The following ARHGEF28 variants were observed in gnomAD, a reference collection of about 807,000 sequenced individuals.
ARHGEF28 encodes Rho guanine nucleotide exchange factor 28, also known as 190 kDa guanine nucleotide exchange factor.
ARHGEF28 carries 152 observed loss-of-function variants against 206.6 expected under a neutral mutation model. The ratio of observed to expected loss-of-function variants is 0.74; its 90% CI spans 0.64 to 0.84. The LOEUF (loss-of-function observed/expected upper bound fraction) is 0.84. Ranked by LOEUF, ARHGEF28 falls within the 40% of genes least tolerant of loss-of-function variation. The pLI is 0.00. For synonymous variants in ARHGEF28, 763 were observed against 776.4 expected, an observed-to-expected ratio of 0.98 and a Z score of 0.29; for missense variants, 2,028 against 2,073.2, an observed-to-expected ratio of 0.98 and a Z score of 0.42.
chr5:73,742,122 G>C (rs1164022526), intron 2 of ARHGEF28, among the ~76,000 whole-genome samples: 1 of 151,888 alleles, frequency 6.6e-6, no homozygotes, highest in Non-Finnish European at 1.5e-5. Context: ...ATATTATTTT[G>C]TTTGTGCTAG....
At chr5:73,866,035 A>G (rs1759683593) in intron 18 of ARHGEF28, 22 bp downstream of exon 18, 2 of 1,568,342 alleles carry the variant, frequency 1.3e-6, no homozygotes, top group South Asian at 1.2e-5. Context: ...AGAAAACGAC[A>G]AGAACTTTTA....
At position 73,773,119 on chromosome 5, in the gene ARHGEF28, C is replaced by T. The variant is rs117874144; in HGVS notation, c.476-736C>T. On this transcript the variant is annotated intron_variant, in intron 4 of 35. Coordinates refer to ENST00000513042, the MANE Select transcript of ARHGEF28 (RefSeq NM_001177693.2). The stretch of plus-strand genomic sequence containing the variant: ...CTAAATGGCTTTCATTTGCCAGATA[C>T]TGTGCTAGGTATTAGGAATAAAATA... Among the ~76,000 whole-genome samples the T allele has an allele frequency of 1.3e-4, 20 of 152,312 alleles. No homozygotes were observed. The East Asian group carries it at 3.7e-3, about 28-fold the overall frequency.
intron 2 of ARHGEF28, among the ~76,000 whole-genome samples, chr5:73,728,734 G>T (rs545471211): frequency 1.6e-4 from 25 of 152,154 alleles, no homozygotes; most frequent in Non-Finnish European, 3.4e-4. Context: ...GCTGCCAAAC[G>T]ACTCCAGGTT....
chr5:73,776,046 G>A (rs1211856571), intron 5 of ARHGEF28, among the ~76,000 whole-genome samples: 1 of 152,178 alleles, frequency 6.6e-6, no homozygotes, highest in Non-Finnish European at 1.5e-5. Context: ...GTGGTACCAT[G>A]TGTTATGAAT....
At chr5:73,933,874 A>T (rs1384473981) in intron 35 of ARHGEF28, among the ~76,000 whole-genome samples, 2 of 152,110 alleles carry the variant, frequency 1.3e-5, no homozygotes, top group Non-Finnish European at 2.9e-5. Context: ...TTGTTACTTA[A>T]AATCATGCTG....
chr5:73,878,326 G>A (rs994052750), intron 22 of ARHGEF28, among the ~76,000 whole-genome samples: 4 of 151,118 alleles, frequency 2.6e-5, no homozygotes, highest in East Asian at 1.9e-4. Context: ...GTCTCTGCAC[G>A]TGAGATGGGT....
intron 1 of ARHGEF28, among the ~76,000 whole-genome samples, chr5:73,638,369 A>G (rs932036412): frequency 6.6e-6 from 1 of 152,240 alleles, no homozygotes; most frequent in African/African-American, 2.4e-5. Flanking sequence ...ATAACTGTAG[A>G]TACTTGAGAA....
At chr5:73,718,379 G>C (rs1159610465) in intron 2 of ARHGEF28, among the ~76,000 whole-genome samples, 2 of 152,064 alleles carry the variant, frequency 1.3e-5, no homozygotes, top group Non-Finnish European at 2.9e-5. Flanking sequence ...ATTTGTTTAG[G>C]TCTTGCATGC....
In ARHGEF28 at chr5:73,931,450, T is replaced by C. The variant is rs181659946; in HGVS notation, c.4949-9394T>C. 1.3e-3 allele frequency among the ~76,000 whole-genome samples: 205 copies of C among 152,308 alleles called. 1 individual carries two copies. The highest frequency in any genetic ancestry group is 4.6e-3 in the African/African-American group (191 of 41,580). ...TAATTGCTTCTCTTCAGTTTTTTCT[T>C]ACTGTAACTGTTGCTGGTTGGAAAT... On this transcript the variant is annotated intron_variant, in intron 35 of 35. Coordinates refer to ENST00000513042, the MANE Select transcript of ARHGEF28 (RefSeq NM_001177693.2).
chr5:73,842,624 A>G (rs1032455623), intron 11 of ARHGEF28, among the ~76,000 whole-genome samples: 5 of 152,266 alleles, frequency 3.3e-5, no homozygotes, highest in East Asian at 3.9e-4. Context: ...ACAAGATTCT[A>G]TACAGTTTTG....
chr5:73,702,500 A>G (rs1011864087), intron 2 of ARHGEF28, among the ~76,000 whole-genome samples: 4 of 152,198 alleles, frequency 2.6e-5, no homozygotes, highest in Admixed American at 2.0e-4. Flanking sequence ...TACTCTAGGA[A>G]CATTAATGTA....
intron 34 of ARHGEF28, among the ~76,000 whole-genome samples, chr5:73,911,039 A>G (rs907705438): frequency 3.3e-5 from 5 of 152,200 alleles, no homozygotes; most frequent in South Asian, 2.1e-4. Flanking sequence ...CTTTAATGTC[A>G]TAGAGTGCCA....
chr5:73,914,535 T>C (rs1316009840), intron 35 of ARHGEF28, among the ~76,000 whole-genome samples: 2 of 151,276 alleles, frequency 1.3e-5, no homozygotes, highest in African/African-American at 2.4e-5. Context: ...TAGCTGGGAT[T>C]ACAGGTGCCC....
At chr5:73,845,917 G>C (rs1429850969) in intron 11 of ARHGEF28, among the ~76,000 whole-genome samples, 1 of 143,414 alleles carries the variant, frequency 7.0e-6, no homozygotes, top group Non-Finnish European at 1.5e-5. Context: ...GAGCCTGGGA[G>C]ACAGAGGTTG....
chr5:73,837,407 T>C (rs1166845892), intron 10 of ARHGEF28, among the ~76,000 whole-genome samples: 2 of 152,158 alleles, frequency 1.3e-5, no homozygotes, highest in African/African-American at 2.4e-5. Flanking sequence ...TCAGTGCATA[T>C]ATTTTTGTCA....
Position 73,735,221 on chromosome 5 carries a change from AT to A in ARHGEF28, c.34-14611del, listed in dbSNP as rs199697986. On this transcript the variant is annotated intron_variant, in intron 2 of 35. Coordinates refer to ENST00000513042, the MANE Select transcript of ARHGEF28 (RefSeq NM_001177693.2). The stretch of plus-strand genomic sequence containing the variant: ...AATTAATAAATTAATACATTTATTA[AT>A]TTTTATTAATTAAATTAAAATTAAT... Among the ~76,000 whole-genome samples the A allele has an allele frequency of 6.3e-3, 943 of 149,502 alleles. 9 individuals carry two copies. Among genetic ancestry groups the A allele is most frequent in the African/African-American group, 0.021 (850 of 39,772 alleles).
At chr5:73,675,509 G>C (rs532904866) in intron 1 of ARHGEF28, among the ~76,000 whole-genome samples, 6 of 152,210 alleles carry the variant, frequency 3.9e-5, no homozygotes, top group Non-Finnish European at 7.4e-5. Context: ...CAGGCAGGCG[G>C]ATCACAAGGT....
chr5:73,898,061 G>A lies in ARHGEF28; in HGVS notation c.3941G>A (p.Ser1314Asn). Reference sequence around the variant, plus strand: ...GACTCTGTCTTGGCGGACACACTCAGTTCTCATGATGTACCAGGATCACCG... The same window carrying A: ...GACTCTGTCTTGGCGGACACACTCAATTCTCATGATGTACCAGGATCACCG... Reference protein sequence around the residue: ...CGDSVLADTLSSHDVPGSPTA... With the variant: ...CGDSVLADTLNSHDVPGSPTA... Residue 1314 changes from serine to asparagine, a missense_variant, in exon 30 of 36, where the codon AGT (serine) becomes AAT (asparagine). Transcript: ENST00000513042. 1.2e-6 allele frequency: 2 copies of A among 1,612,238 alleles called. No individual in the cohort carries two copies. The highest frequency in any genetic ancestry group is 1.7e-6 in the Non-Finnish European group (2 of 1,179,230).
chr5:73,874,699 G>A (rs1760343409), intron 22 of ARHGEF28, among the ~76,000 whole-genome samples: 1 of 151,050 alleles, frequency 6.6e-6, no homozygotes. Flanking sequence ...ATAGTTTGCT[G>A]AGAATGATGA....
Sources: allele counts gnomAD v4.1 joint callset (sites outside exome capture counted in the v4.1 genomes callset), GRCh38; gene constraint gnomAD v4.1.1; transcripts MANE v1.5; gene names NCBI Gene and HGNC (gene_info 2026-07-23, HGNC 2026-07-21).